CREBBP: variants seen among roughly 807,000 people sequenced by gnomAD.
CREBBP encodes CREB-binding protein.
In CREBBP, 19 loss-of-function variants were observed where a neutral mutation model predicts 265.0. The ratio of observed to expected loss-of-function variants is 0.07; its 90% CI spans 0.05 to 0.11. The LOEUF is 0.11. Among genes scored for constraint, CREBBP ranks in the 10% least tolerant of loss-of-function variants. The probability of loss-of-function intolerance (pLI) is 1.00; values close to 1 mark genes in which losing one functional copy is unlikely to be tolerated. For missense variants in CREBBP, 2,525 were observed against 3,219.0 expected (o/e 0.78, Z 5.22); for synonymous variants, 1,457 against 1,223.7 (o/e 1.19, Z -3.98).
At chr16:3,810,507 C>T in intron 3 of CREBBP, 96 bp downstream of exon 3, 2 of 1,440,332 alleles carry the variant, frequency 1.4e-6, no homozygotes, top group Non-Finnish European at 9.8e-7. Context: ...TACTGACACA[C>T]TTTTAGTTAT....
intron 3 of CREBBP, among the ~76,000 whole-genome samples, chr16:3,804,392 G>A (rs759298801): frequency 3.3e-5 from 5 of 152,146 alleles, no homozygotes; most frequent in Non-Finnish European, 5.9e-5. Context: ...TTGATAACTT[G>A]GCAAATTAGT....
chr16:3,791,608 T>C (rs1239807724), intron 5 of CREBBP, among the ~76,000 whole-genome samples: 1 of 152,154 alleles, frequency 6.6e-6, no homozygotes, highest in East Asian at 1.9e-4. Context: ...CCCTAAGACG[T>C]CACTGCCATT....
chr16:3,878,498 A>G (rs1484934162), intron 1 of CREBBP, among the ~76,000 whole-genome samples: 1 of 152,238 alleles, frequency 6.6e-6, no homozygotes, highest in Non-Finnish European at 1.5e-5. Flanking sequence ...TCACTTCTAC[A>G]TTAATATTAA....
chr16:3,852,771 AG>A, intron 1 of CREBBP, among the ~76,000 whole-genome samples: 1 of 152,178 alleles, frequency 6.6e-6, no homozygotes, highest in Non-Finnish European at 1.5e-5. Flanking sequence ...TTTCCTGATA[AG>A]GAAACAAATG....
At chr16:3,769,415 T>C in intron 14 of CREBBP, 62 bp from the exon 15 acceptor site, 5 of 1,583,294 alleles carry the variant, frequency 3.2e-6, no homozygotes, top group Non-Finnish European at 4.3e-6. Context: ...TCTTCAACTA[T>C]GCTGCTCATG....
At chr16:3,848,076 A>G (rs2054705662) in intron 2 of CREBBP, among the ~76,000 whole-genome samples, 1 of 152,060 alleles carries the variant, frequency 6.6e-6, no homozygotes, top group Non-Finnish European at 1.5e-5. Flanking sequence ...AGGCTGAGGC[A>G]GGACAATCAC....
intron 2 of CREBBP, among the ~76,000 whole-genome samples, chr16:3,826,698 C>A (rs1245549863): frequency 6.6e-6 from 1 of 152,072 alleles, no homozygotes; most frequent in Non-Finnish European, 1.5e-5. Context: ...TCATTAAAAA[C>A]CAAGGAAAGG....
chr16:3,779,142 G>A (rs1473737062), intron 8 of CREBBP, among the ~76,000 whole-genome samples: 1 of 151,400 alleles, frequency 6.6e-6, no homozygotes, highest in African/African-American at 2.4e-5. Flanking sequence ...ACTCCAGCCT[G>A]GGCGACAGAG....
At chr16:3,823,766 G>C (rs140581410) in intron 2 of CREBBP, among the ~76,000 whole-genome samples, 33 of 152,198 alleles carry the variant, frequency 2.2e-4, no homozygotes, top group African/African-American at 7.5e-4. Flanking sequence ...GAGCATGAGG[G>C]ATGGACCTGA....
Position 3,781,001 on chromosome 16 carries a change from G to A in CREBBP, c.1677-123C>T. ...GTTTAAGTCAGGAGAGCCAAGTGAT[G>A]TAAATAAATAAAACTTAAACTATGT... On this transcript the variant is annotated intron_variant, in intron 7 of 30. Transcript: ENST00000262367. The A allele has an allele frequency of 2.5e-6, 3 of 1,187,088 alleles. No homozygotes were observed. The South Asian group carries it at 3.9e-5, about 15-fold the overall frequency. 73.5% of individuals were successfully genotyped at this position (1,187,088 alleles called of 1,614,324 possible). A position where few individuals can be genotyped will look rare whatever the true frequency, so the allele number is the denominator to read the frequency against.
In CREBBP at chr16:3,731,737, G is replaced by C. The variant is rs768025184; in HGVS notation, c.4890+39C>G. The C allele has an allele frequency of 6.2e-7, 1 of 1,613,440 alleles. No individual in the cohort carries two copies. Among genetic ancestry groups the C allele is most frequent in the Non-Finnish European group, 8.5e-7 (1 of 1,179,598 alleles). ...CAGCTGCGAGTCTTTCCCTCCTCCC[G>C]GCCAGAGGCACGGCTGCAGCACCGC... is the stretch of plus-strand genomic sequence containing the variant. On this transcript the variant is annotated intron_variant, in intron 29 of 30. Coordinates refer to ENST00000262367, the MANE Select transcript of CREBBP (RefSeq NM_004380.3). The surrounding 1 kb of genome is among the most constrained non-coding windows in gnomAD (Gnocchi z 7.7).
intron 5 of CREBBP, among the ~76,000 whole-genome samples, chr16:3,790,070 T>C (rs1442545453): frequency 6.6e-6 from 1 of 152,212 alleles, no homozygotes; most frequent in Non-Finnish European, 1.5e-5. Flanking sequence ...ATTCATAGAA[T>C]ATTGTATAAC....
intron 19 of CREBBP, among the ~76,000 whole-genome samples, chr16:3,755,979 T>A (rs566776935): frequency 5.0e-4 from 76 of 152,242 alleles, no homozygotes; most frequent in Admixed American, 3.6e-3. Context: ...GGATTTTTTT[T>A]AAAAATAGGA....
chr16:3,815,889 T>C (rs948501318), intron 2 of CREBBP, among the ~76,000 whole-genome samples: 7 of 152,114 alleles, frequency 4.6e-5, no homozygotes, highest in Non-Finnish European at 8.8e-5. Flanking sequence ...ATACAAAGTC[T>C]TATTCATTCT....
chr16:3,856,457 G>A (rs920120610), intron 1 of CREBBP, among the ~76,000 whole-genome samples: 9 of 152,044 alleles, frequency 5.9e-5, no homozygotes, highest in East Asian at 1.9e-4. Context: ...ACAGGGTTTC[G>A]CCATGTTTCC....
intron 2 of CREBBP, among the ~76,000 whole-genome samples, chr16:3,838,757 C>T (rs575493071): frequency 2.1e-4 from 32 of 152,206 alleles, no homozygotes; most frequent in Non-Finnish European, 3.1e-4. Flanking sequence ...ATCTGTTGCC[C>T]GGGCTGGTGT....
intron 5 of CREBBP, among the ~76,000 whole-genome samples, chr16:3,783,468 G>A (rs1056407067): frequency 6.6e-6 from 1 of 152,186 alleles, no homozygotes; most frequent in African/African-American, 2.4e-5. Context: ...TCACATAATT[G>A]CAAGTCCTTG....
chr16:3,780,976 G>T, intron 7 of CREBBP, 98 bp from the exon 8 acceptor site: 1 of 1,420,156 alleles, frequency 7.0e-7, no homozygotes, highest in Non-Finnish European at 9.8e-7. Context: ...ACTTTTAAAA[G>T]TTTAAGTCAG....
Position 3,774,627 on chromosome 16 carries a change from C to G in CREBBP, c.2225G>C (p.Arg742Pro), listed in dbSNP as rs748747684. The change falls in exon 12 of 31, where the codon CGT (arginine) becomes CCT (proline). Residue 742 changes from arginine to proline, a missense_variant. Around this residue, in one of 19 missense-constraint regions of CREBBP, gnomAD observed 548 missense variants for 533.0 expected, o/e 1.03. Transcript: ENST00000262367. The stretch of plus-strand genomic sequence containing the variant: ...AGAGTGGTTCATTGGGGAGGCTGCA[C>G]GAGGTCCCATGGGTGCTTGTGGCAA... ...VQLPQAPMGP[R>P]AASPMNHSVQ... The G allele has an allele frequency of 1.2e-4, 187 of 1,614,004 alleles. No individual in the cohort carries two copies. The highest frequency in any genetic ancestry group is 2.4e-5 in the Non-Finnish European group (28 of 1,180,028).
Sources: gnomAD v4.1 joint callset for allele counts (sites outside exome capture counted in the v4.1 genomes callset) on GRCh38, gnomAD v4.1.1 for gene constraint, gnomAD v4.1.1 regional missense constraint, Gnocchi (gnomAD v3.1) non-coding constraint, MANE v1.5 for transcripts, NCBI Gene and HGNC (gene_info 2026-07-23, HGNC 2026-07-21) for gene names.